ALG6: variants seen among roughly 807,000 people sequenced by gnomAD.
ALG6 encodes ALG6 alpha-1,3-glucosyltransferase.
Under a neutral mutation model 66.6 loss-of-function variants are expected in ALG6, and 46 were observed. The observed-to-expected ratio is 0.69, with a 90% CI of 0.55 to 0.88. ALG6 has a LOEUF of 0.88. ALG6 is among the 40% of genes least tolerant of loss of function. The pLI is 0.00. For missense variants in ALG6, 505 were observed against 586.8 expected, an observed-to-expected ratio of 0.86 and a Z score of 1.44; for synonymous variants, 185 against 203.7, an observed-to-expected ratio of 0.91 and a Z score of 0.78.
At chr1:63,408,921 A>T (rs1334398142) in intron 7 of ALG6, among the ~76,000 whole-genome samples, 1 of 152,154 alleles carries the variant, frequency 6.6e-6, no homozygotes, top group Non-Finnish European at 1.5e-5. Flanking sequence ...CTGGGATTAT[A>T]GGCATGTGCC....
In ALG6 at chr1:63,428,725, G is replaced by A. The variant is rs755900020; in HGVS notation, c.1059-8G>A. The A allele has an allele frequency of 2.0e-5, 32 of 1,578,340 alleles. No homozygotes were observed. The highest frequency in any genetic ancestry group is 2.5e-5 in the Non-Finnish European group (29 of 1,156,566). ...AATATTAAAATATTTTTTTCTTTACGATTTTAGACCAGTCTGCTTAGTTTT... is the reference window on the plus strand; with the variant it reads ...AATATTAAAATATTTTTTTCTTTACAATTTTAGACCAGTCTGCTTAGTTTT... On this transcript the variant is annotated splice_region_variant and splice_polypyrimidine_tract_variant and intron_variant, in intron 12 of 14. Coordinates refer to ENST00000263440, the MANE Select transcript of ALG6 (RefSeq NM_013339.4).
chr1:63,370,873 A>G lies in ALG6; in HGVS notation c.-105A>G. 3.8e-6 allele frequency: 3 copies of G among 791,144 alleles called. No homozygotes were observed. In the South Asian group the frequency reaches 4.2e-5, roughly 11 times the overall value. The allele number at this position is 791,144 out of a possible 1,614,324, so 49.0% of individuals were successfully genotyped here. A position where few individuals can be genotyped will look rare whatever the true frequency, so the allele number is the denominator to read the frequency against. ...TGCGAAGAATCGATAACATTTCAAG[A>G]AGTGATAACATTTCTCTGAACAAGA... On this transcript the variant is annotated 5_prime_UTR_variant, in exon 2 of 15. Coordinates refer to ENST00000263440, the MANE Select transcript of ALG6 (RefSeq NM_013339.4).
chr1:63,368,542 C>T (rs1346372260), intron 1 of ALG6, among the ~76,000 whole-genome samples: 1 of 152,004 alleles, frequency 6.6e-6, no homozygotes, highest in Non-Finnish European at 1.5e-5. Context: ...GCTCTGTCGC[C>T]CAGGCTGGAG....
rs1644690294 is a variant in ALG6 at position 63,437,416 on chromosome 1, TG to T, written c.*399del. On this transcript the variant is annotated 3_prime_UTR_variant, in exon 15 of 15. Transcript: ENST00000263440. ...TCATCAGACCATATAGTGAGCTTCATGGGAGAATTGAGCCCCTTCTTTTTAA... is the reference window on the plus strand; with the variant it reads ...TCATCAGACCATATAGTGAGCTTCATGGAGAATTGAGCCCCTTCTTTTTAA... 1 of 181,708 alleles carries T rather than the reference TG, an allele frequency of 5.5e-6. No individual in the cohort carries two copies. The highest frequency in any genetic ancestry group is 1.2e-4 in the South Asian group (1 of 8,512). 11.3% of individuals were successfully genotyped at this position (181,708 alleles called of 1,614,324 possible).
At chr1:63,396,673 C>T (rs1054186302) in intron 3 of ALG6, 76 bp downstream of exon 3, 23 of 1,285,808 alleles carry the variant, frequency 1.8e-5, no homozygotes, top group South Asian at 1.4e-4. Context: ...AGGGACAACA[C>T]GCTATTTTCT....
intron 12 of ALG6, among the ~76,000 whole-genome samples, chr1:63,422,287 ATATT>A (rs1427828902): frequency 7.2e-5 from 6 of 83,782 alleles, no homozygotes; most frequent in Admixed American, 5.8e-4. Flanking sequence ...ATAAATATAT[ATATT>A]TATATAGATA....
rs141061846 is a variant in ALG6 at position 63,405,794 on chromosome 1, A to G, written c.347-523A>G. On this transcript the variant is annotated intron_variant, in intron 5 of 14. Transcript: ENST00000263440. ...TATGTATTTATTTTTCTTTGTTCTA[A>G]AGGACTGCATGTTCAAAATTATGAA... is the stretch of plus-strand genomic sequence containing the variant. 9.6e-3 allele frequency among the ~76,000 whole-genome samples: 1,468 copies of G among 152,172 alleles called. 20 individuals carry two copies. Among genetic ancestry groups the G allele is most frequent in the African/African-American group, 0.032 (1,345 of 41,552 alleles).
At chr1:63,410,997 T>C in intron 7 of ALG6, 149 bp from the exon 8 acceptor site, 1 of 730,576 alleles carries the variant, frequency 1.4e-6, no homozygotes, top group Non-Finnish European at 2.2e-6. Context: ...TATTGGGAAA[T>C]AGCTTTCATT....
chr1:63,371,519 C>G (rs867098739), intron 2 of ALG6, among the ~76,000 whole-genome samples: 1 of 152,094 alleles, frequency 6.6e-6, no homozygotes, highest in Admixed American at 6.6e-5. Flanking sequence ...CTATTTAGCA[C>G]GTCTCATGTT....
intron 12 of ALG6, among the ~76,000 whole-genome samples, chr1:63,423,457 G>A (rs1419120901): frequency 6.6e-6 from 1 of 152,126 alleles, no homozygotes; most frequent in Non-Finnish European, 1.5e-5. Flanking sequence ...TCTACCTCCA[G>A]AACATCTTCA....
At chr1:63,414,616 A>C (rs1644533317) in intron 10 of ALG6, among the ~76,000 whole-genome samples, 1 of 152,172 alleles carries the variant, frequency 6.6e-6, no homozygotes, top group African/African-American at 2.4e-5. Context: ...AAACTCTTCA[A>C]CTTGAATTAT....
At chr1:63,380,551 C>A (rs945441227) in intron 2 of ALG6, among the ~76,000 whole-genome samples, 1 of 152,034 alleles carries the variant, frequency 6.6e-6, no homozygotes, top group East Asian at 1.9e-4. Context: ...TCCAGTTTTC[C>A]TTTTGTCTCC....
At chr1:63,391,136 CTTGTT>C (rs1648662467) in intron 2 of ALG6, among the ~76,000 whole-genome samples, 1 of 152,090 alleles carries the variant, frequency 6.6e-6, no homozygotes, top group African/African-American at 2.4e-5. Context: ...TTTGGTTTAT[CTTGTT>C]TTAAGATTGT....
rs1644519075 is a variant in ALG6 at position 63,412,043 on chromosome 1, T to G, written c.798T>G (p.Val266=). 6.2e-7 allele frequency: 1 copy of G among 1,614,032 alleles called. No homozygotes were observed. The highest frequency in any genetic ancestry group is 1.3e-5 in the African/African-American group (1 of 74,932). ...AGGTTCTAAGAAGACTCTTCCCGGT[T>G]GATCGTGGATTATTTGAGGCATGTT... The part of the protein sequence containing the change: ...TLQVLRRLFP[V]DRGLFEDKVA... The change falls in exon 9 of 15, where the codon GTT becomes GTG. Residue 266 remains valine, a synonymous_variant. Coordinates refer to ENST00000263440, the MANE Select transcript of ALG6 (RefSeq NM_013339.4).
chr1:63,400,282 C>A (rs12409219), intron 3 of ALG6, among the ~76,000 whole-genome samples: 1 of 12,620 alleles, frequency 7.9e-5, no homozygotes, highest in African/African-American at 4.1e-4. Context: ...TATATATATA[C>A]GTATATATAT....
chr1:63,404,628 G>T (rs1221237879), intron 5 of ALG6, 87 bp downstream of exon 5: 2 of 1,081,094 alleles, frequency 1.8e-6, no homozygotes, highest in South Asian at 1.3e-5. Context: ...TGTTCTTACT[G>T]ACTTTAAAAT....
intron 9 of ALG6, chr1:63,413,544 G>C (rs1644526930): frequency 6.5e-6 from 1 of 152,946 alleles, no homozygotes; most frequent in Non-Finnish European, 1.5e-5. Context: ...TTCACCACCA[G>C]GAGAGCTGTA....
At chr1:63,369,554 A>G (rs879025586) in intron 1 of ALG6, among the ~76,000 whole-genome samples, 2 of 151,566 alleles carry the variant, frequency 1.3e-5, no homozygotes, top group Non-Finnish European at 2.9e-5. Flanking sequence ...GCTTGAACCC[A>G]GGAGGCAGAG....
In ALG6 at chr1:63,402,320, TCATA is replaced by T; in HGVS notation, c.235_238del (p.His79ValfsTer11). 6.2e-7 allele frequency: 1 copy of T among 1,611,106 alleles called. No homozygotes were observed. The highest frequency in any genetic ancestry group is 1.1e-5 in the South Asian group (1 of 91,012). On this transcript the variant is annotated frameshift_variant, in exon 4 of 15. Transcript: ENST00000263440. LOFTEE classifies it high-confidence loss of function. ...TGGATTACCCACCTCTTACAGCTTA[TCATA>T]GTCTCCTATGTGCATATGTGTAAGT...
Sources: allele counts gnomAD v4.1 joint callset (sites outside exome capture counted in the v4.1 genomes callset), GRCh38; gene constraint gnomAD v4.1.1; transcripts MANE v1.5; gene names NCBI Gene and HGNC (gene_info 2026-07-23, HGNC 2026-07-21).